The following THBS2 variants were observed in gnomAD, a reference collection of about 807,000 sequenced individuals.
The protein encoded by THBS2 is thrombospondin-2.
Under a neutral mutation model 135.2 loss-of-function variants are expected in THBS2, and 47 were observed. That is an observed-to-expected ratio of 0.35 (90% confidence interval 0.28 to 0.44). The LOEUF (loss-of-function observed/expected upper bound fraction) is 0.44, where lower values mean the gene tolerates loss of function less well. THBS2 is among the 20% of genes least tolerant of loss of function. The probability of loss-of-function intolerance (pLI) is 1.00; values close to 1 mark genes in which losing one functional copy is unlikely to be tolerated. For synonymous variants in THBS2, 639 were observed against 633.8 expected, an observed-to-expected ratio of 1.01 and a Z score of -0.12; for missense variants, 1,288 against 1,603.1, an observed-to-expected ratio of 0.80 and a Z score of 3.36.
chr6:169,245,329 T>C (rs1780504454), intron 4 of THBS2, among the ~76,000 whole-genome samples: 2 of 152,234 alleles, frequency 1.3e-5, no homozygotes, highest in Non-Finnish European at 2.9e-5. Flanking sequence ...CGGCATTTAA[T>C]GAACCTGTCA....
intron 3 of THBS2, among the ~76,000 whole-genome samples, chr6:169,246,642 C>T (rs921119821): frequency 2.6e-5 from 4 of 152,160 alleles, no homozygotes; most frequent in Admixed American, 2.0e-4. Context: ...TCATGATTAG[C>T]GAGTTTCTGC....
At position 169,225,152 on chromosome 6, in the gene THBS2, G is replaced by A. The variant is rs774185705; in HGVS notation, c.2766C>T (p.Asp922=). The A allele has an allele frequency of 1.2e-5, 20 of 1,614,082 alleles. No individual in the cohort carries two copies. The East Asian group carries it at 4.2e-4, about 34-fold the overall frequency. The change falls in exon 17 of 22, where the codon GAC becomes GAT. Residue 922 remains aspartate, a synonymous_variant. Coordinates refer to ENST00000617924, the MANE Select transcript of THBS2 (RefSeq NM_003247.5). ...AGCTGAGAGAGCACCCACCGTCCAA[G>A]TCCTCCTGGTCTGGGTTGAACACAA... is the stretch of plus-strand genomic sequence containing the variant. The part of the protein sequence containing the change: ...CRLVFNPDQE[D]LDGDGRGDIC...
intron 17 of THBS2, 63 bp downstream of exon 17, chr6:169,225,082 C>T (rs531072645): frequency 1.6e-4 from 238 of 1,515,322 alleles, no homozygotes; most frequent in Non-Finnish European, 1.0e-5. Flanking sequence ...ATACATATCT[C>T]TGCCCTGGCG....
In THBS2 at chr6:169,241,097, C is replaced by T. The variant is rs1327203248; in HGVS notation, c.892-505G>A. Among the ~76,000 whole-genome samples, 1 of 151,582 alleles carries T rather than the reference C, an allele frequency of 6.6e-6. No individual in the cohort carries two copies. Among genetic ancestry groups the T allele is most frequent in the Non-Finnish European group, 1.5e-5 (1 of 67,880 alleles). On this transcript the variant is annotated intron_variant, in intron 5 of 21. Coordinates refer to ENST00000617924, the MANE Select transcript of THBS2 (RefSeq NM_003247.5). This position sits in a 1 kb window ranked among gnomAD's most constrained non-coding sequence, Gnocchi z 5.5. ...CCCCTGCCGCCCTCCCTGCCCTGGG[C>T]TCCATCTCCTGGCATCATTTACTTC... is the stretch of plus-strand genomic sequence containing the variant.
At chr6:169,242,307 A>AGACCCAG (rs2115019217) in intron 4 of THBS2, among the ~76,000 whole-genome samples, 2 of 152,186 alleles carry the variant, frequency 1.3e-5, no homozygotes, top group East Asian at 3.9e-4. Context: ...CAGGAGCACC[A>AGACCCAG]GTGGCCACGC....
intron 13 of THBS2, among the ~76,000 whole-genome samples, chr6:169,231,389 G>A (rs1475135062): frequency 2.6e-5 from 4 of 152,172 alleles, no homozygotes; most frequent in African/African-American, 9.6e-5. Context: ...GCACGGCCCC[G>A]CTAGCACCTT....
intron 13 of THBS2, among the ~76,000 whole-genome samples, chr6:169,231,680 C>T (rs1259417042): frequency 6.6e-6 from 1 of 152,218 alleles, no homozygotes; most frequent in Non-Finnish European, 1.5e-5. Context: ...GTGGAGCCGG[C>T]GTCCTCCCTC....
chr6:169,232,887 C>T lies in THBS2; in HGVS notation c.1779+3G>A, dbSNP rs1308402725. 3.8e-6 allele frequency: 6 copies of T among 1,597,912 alleles called. No individual in the cohort carries two copies. The highest frequency in any genetic ancestry group is 5.1e-6 in the Non-Finnish European group (6 of 1,172,026). ...GCCCACAGCCCAGGGCGGGGTCACCCACCTCGTCCAGGTCCTCACAGTGGG... is the reference window on the plus strand; with the variant it reads ...GCCCACAGCCCAGGGCGGGGTCACCTACCTCGTCCAGGTCCTCACAGTGGG... On this transcript the variant is annotated splice_donor_region_variant and intron_variant, in intron 11 of 21. Transcript: ENST00000617924.
rs751372441 is a variant in THBS2 at position 169,232,672 on chromosome 6, C to T, written c.1924G>A (p.Glu642Lys). Residue 642 changes from glutamate (E) to lysine (K), a missense_variant, in exon 12 of 22, where the codon GAA (glutamate) becomes AAA (lysine). Physicochemically the swap from Glu to Lys is moderately conservative, Grantham distance 56. This residue lies in a region of THBS2 where 874 missense variants were observed against 1,156.1 expected (regional missense o/e 0.76). Transcript: ENST00000617924. ...AGGCCGGCCTTGCGTACTTGCTTTT[C>T]CGTCTTGGCTGCTTCCAGGCCGACC... ...VGVGLEAAKT[E>K]KQVCEPENPC... is the part of the protein sequence containing the mutation. 2 of 1,600,856 alleles carry T rather than the reference C, an allele frequency of 1.2e-6. No individual in the cohort carries two copies. The highest frequency in any genetic ancestry group is 1.1e-5 in the South Asian group (1 of 89,314).
intron 20 of THBS2, 149 bp from the exon 21 acceptor site, chr6:169,220,486 T>C: frequency 1.0e-6 from 1 of 993,650 alleles, no homozygotes; most frequent in Non-Finnish European, 1.5e-6. Context: ...GCTGGCTTTC[T>C]CCTTTGGAGC....
chr6:169,217,775 G>A lies in THBS2; in HGVS notation c.*47C>T. On this transcript the variant is annotated 3_prime_UTR_variant, in exon 22 of 22. Transcript: ENST00000617924. ...GACCACAATGAACTGAGGTGTCTAGGGACCATGGCATGCACAGGGCATTGC... is the reference window on the plus strand; with the variant it reads ...GACCACAATGAACTGAGGTGTCTAGAGACCATGGCATGCACAGGGCATTGC... 6.2e-7 allele frequency: 1 copy of A among 1,607,134 alleles called. No individual in the cohort carries two copies. Among genetic ancestry groups the A allele is most frequent in the Non-Finnish European group, 8.5e-7 (1 of 1,176,518 alleles).
intron 15 of THBS2, among the ~76,000 whole-genome samples, chr6:169,226,955 A>G (rs1307851821): frequency 6.6e-6 from 1 of 152,138 alleles, no homozygotes; most frequent in Non-Finnish European, 1.5e-5. Context: ...CCTAAAAAAT[A>G]AAAATGGAAG....
At chr6:169,232,859 G>A (rs1185980546) in intron 11 of THBS2, 31 bp downstream of exon 11, 11 of 1,606,476 alleles carry the variant, frequency 6.8e-6, no homozygotes, top group African/African-American at 1.3e-5. Flanking sequence ...CCGACCTCAG[G>A]GCGCCCACAG....
At position 169,227,651 on chromosome 6, in the gene THBS2, G is replaced by A. The variant is rs79546800; in HGVS notation, c.2419+471C>T. Among the ~76,000 whole-genome samples the A allele has an allele frequency of 4.6e-3, 707 of 152,304 alleles. 8 individuals are homozygous for A. Among genetic ancestry groups the A allele is most frequent in the African/African-American group, 0.016 (682 of 41,556 alleles). On this transcript the variant is annotated intron_variant, in intron 15 of 21. Transcript: ENST00000617924. ...TCCCCTGACCTTCAGGAAAAGGCAA[G>A]GCAGAATAAGCATGGGTCCCTATGG...
chr6:169,219,961 T>C, intron 21 of THBS2: 1 of 615,628 alleles, frequency 1.6e-6, no homozygotes, highest in Non-Finnish European at 2.9e-6. Context: ...GGGTGGGACC[T>C]GTAAATAATT....
At chr6:169,246,132 C>T (rs533210915) in intron 4 of THBS2, 65 bp downstream of exon 4, 14 of 1,388,558 alleles carry the variant, frequency 1.0e-5, no homozygotes, top group South Asian at 9.3e-5. Flanking sequence ...CACACACATA[C>T]ACCATGTCAC....
chr6:169,228,020 G>C, intron 15 of THBS2, 102 bp downstream of exon 15: 1 of 1,371,336 alleles, frequency 7.3e-7, no homozygotes. Flanking sequence ...GGTGGAGATC[G>C]CAGTGAGCCA....
chr6:169,240,251 T>C (rs952042630), intron 6 of THBS2, among the ~76,000 whole-genome samples: 1 of 152,214 alleles, frequency 6.6e-6, no homozygotes, highest in African/African-American at 2.4e-5. Flanking sequence ...TGGGCTCTGG[T>C]TCTTTATGTG....
At position 169,220,241 on chromosome 6, in the gene THBS2, A is replaced by T; in HGVS notation, c.3468T>A (p.Ser1156=). The T allele has an allele frequency of 6.2e-7, 1 of 1,613,886 alleles. No homozygotes were observed. ...GGTCTGAGAAATAGACCATTTCTTGAGAGAAGACAAATAGACCCAGCCGCC... is the reference window on the plus strand; with the variant it reads ...GGTCTGAGAAATAGACCATTTCTTGTGAGAAGACAAATAGACCCAGCCGCC... ...AGGRLGLFVF[S]QEMVYFSDLK... is the part of the protein sequence containing the mutation. The change falls in exon 21 of 22, where the codon TCT becomes TCA. Residue 1156 remains serine, a synonymous_variant. Coordinates refer to ENST00000617924, the MANE Select transcript of THBS2 (RefSeq NM_003247.5).
Sources: gnomAD v4.1 joint callset for allele counts (sites outside exome capture counted in the v4.1 genomes callset) on GRCh38, gnomAD v4.1.1 for gene constraint, gnomAD v4.1.1 regional missense constraint, Gnocchi (gnomAD v3.1) non-coding constraint, MANE v1.5 for transcripts, NCBI Gene and HGNC (gene_info 2026-07-23, HGNC 2026-07-21) for gene names.